The following ABCB5 variants were observed in gnomAD, a reference collection of about 807,000 sequenced individuals.
ABCB5 encodes the protein ATP binding cassette subfamily B member 5, also known as ATP-binding cassette sub-family B member 5.
ABCB5 carries 155 observed loss-of-function variants against 144.2 expected under a neutral mutation model. The observed-to-expected ratio is 1.08, with a 90% CI of 0.94 to 1.23. The LOEUF (loss-of-function observed/expected upper bound fraction) is 1.23, where lower values mean the gene tolerates loss of function less well. Among genes scored for constraint, ABCB5 ranks in the 50% most tolerant of loss-of-function variants. The probability of loss-of-function intolerance (pLI) is 0.00; values close to 1 mark genes in which losing one functional copy is unlikely to be tolerated. For synonymous variants in ABCB5, 610 were observed against 528.6 expected (o/e 1.15, Z -2.11); for missense variants, 1,830 against 1,520.8 (o/e 1.20, Z -3.38).
intron 5 of ABCB5, among the ~76,000 whole-genome samples, chr7:20,635,799 G>A (rs561276265): frequency 6.6e-6 from 1 of 151,930 alleles, no homozygotes; most frequent in South Asian, 2.1e-4. Flanking sequence ...GGAGTATTTT[G>A]GTGGAATTGT....
At chr7:20,621,161 A>G (rs1783797891) in intron 1 of ABCB5, among the ~76,000 whole-genome samples, 1 of 152,146 alleles carries the variant, frequency 6.6e-6, no homozygotes, top group African/African-American at 2.4e-5. Context: ...GTATGATTCC[A>G]TTTATGTGAG....
chr7:20,749,395 A>ATTTTTTTTT (rs34687757), intron 26 of ABCB5, among the ~76,000 whole-genome samples: 3 of 81,940 alleles, frequency 3.7e-5, no homozygotes, highest in Non-Finnish European at 6.8e-5. Context: ...TGCCTGCCTA[A>ATTTTTTTTT]TTTTTTTTTT....
chr7:20,681,054 C>A (rs1201844471), intron 14 of ABCB5, among the ~76,000 whole-genome samples: 1 of 45,356 alleles, frequency 2.2e-5, no homozygotes, highest in African/African-American at 1.3e-4. Flanking sequence ...CTTTCTCTCT[C>A]TCTCTCTTTC....
intron 1 of ABCB5, among the ~76,000 whole-genome samples, chr7:20,619,215 G>T (rs1783756295): frequency 6.6e-6 from 1 of 152,096 alleles, no homozygotes; most frequent in African/African-American, 2.4e-5. Flanking sequence ...CTTTGGAATT[G>T]TTGGGTTGAA....
intron 23 of ABCB5, among the ~76,000 whole-genome samples, chr7:20,734,998 G>C (rs549813693): frequency 6.6e-6 from 1 of 152,066 alleles, no homozygotes; most frequent in Non-Finnish European, 1.5e-5. Context: ...TTGCAATACC[G>C]ACCAAGAACC....
intron 24 of ABCB5, among the ~76,000 whole-genome samples, chr7:20,739,571 T>C (rs1044410883): frequency 6.6e-6 from 1 of 152,138 alleles, no homozygotes; most frequent in Non-Finnish European, 1.5e-5. Flanking sequence ...CTAAAATTTA[T>C]ATTTCATATT....
intron 25 of ABCB5, among the ~76,000 whole-genome samples, chr7:20,743,420 C>G (rs1479781906): frequency 6.6e-6 from 1 of 152,130 alleles, no homozygotes; most frequent in Non-Finnish European, 1.5e-5. Flanking sequence ...ACAGAGAGAA[C>G]ACTGTCCTCC....
intron 27 of ABCB5, among the ~76,000 whole-genome samples, chr7:20,754,871 A>T (rs1783037534): frequency 6.6e-6 from 1 of 152,222 alleles, no homozygotes; most frequent in Admixed American, 6.5e-5. Flanking sequence ...CCACTAACAT[A>T]TAAACAACTA....
chr7:20,658,971 C>T (rs1784905942), intron 14 of ABCB5: 2 of 1,390,804 alleles, frequency 1.4e-6, no homozygotes, highest in Non-Finnish European at 2.0e-6. Flanking sequence ...CCTAGAGTGG[C>T]CCACCACTAT....
rs1204888830 is a variant in ABCB5 at position 20,710,216 on chromosome 7, A to T, written c.2421+5409A>T. ...ATGGTGAGACCGTCTCTCTACTAAA[A>T]ATTAGGTGGGCGTGGTGGGGGGCAT... On this transcript the variant is annotated intron_variant, in intron 20 of 27. Transcript: ENST00000404938. Among the ~76,000 whole-genome samples the T allele has an allele frequency of 5.4e-5, 8 of 147,518 alleles. 2 individuals carry two copies. Among genetic ancestry groups the T allele is most frequent in the African/African-American group, 2.0e-4 (8 of 39,690 alleles).
At chr7:20,736,495 C>A (rs555125780) in intron 23 of ABCB5, among the ~76,000 whole-genome samples, 1 of 152,260 alleles carries the variant, frequency 6.6e-6, no homozygotes, top group African/African-American at 2.4e-5. Flanking sequence ...GAATTACAGG[C>A]ATGAACCACT....
intron 20 of ABCB5, among the ~76,000 whole-genome samples, chr7:20,713,871 T>C (rs762713597): frequency 6.6e-6 from 1 of 151,070 alleles, no homozygotes; most frequent in Non-Finnish European, 1.5e-5. Flanking sequence ...TCTCGATTTA[T>C]CATTCTGTGA....
At chr7:20,700,397 C>G (rs941043183) in intron 19 of ABCB5, among the ~76,000 whole-genome samples, 1 of 152,152 alleles carries the variant, frequency 6.6e-6, no homozygotes, top group African/African-American at 2.4e-5. Flanking sequence ...CTTGACAAAT[C>G]TTTCTTTTAA....
intron 23 of ABCB5, among the ~76,000 whole-genome samples, chr7:20,737,180 G>T (rs868278631): frequency 6.6e-6 from 1 of 151,272 alleles, no homozygotes. Flanking sequence ...AGATGAAGAA[G>T]ATTAGTGTCC....
At chr7:20,743,192 GA>G (rs1465379479) in intron 25 of ABCB5, 118 bp downstream of exon 25, 9 of 1,087,424 alleles carry the variant, frequency 8.3e-6, no homozygotes, top group Admixed American at 2.6e-5. Flanking sequence ...AAGTTAAAAA[GA>G]AAAAAAATCT....
intron 14 of ABCB5, among the ~76,000 whole-genome samples, chr7:20,662,889 C>T (rs73684695): frequency 0.051 from 7,778 of 152,168 alleles, 563 homozygotes; most frequent in African/African-American, 0.16. Flanking sequence ...AAGACTTACA[C>T]GTACTCTTGA....
At chr7:20,662,329 G>T (rs7792001) in intron 14 of ABCB5, among the ~76,000 whole-genome samples, 1 of 152,172 alleles carries the variant, frequency 6.6e-6, no homozygotes, top group Admixed American at 6.5e-5. Flanking sequence ...GGTCTTCCTC[G>T]GAGACCTCTT....
At chr7:20,687,256 G>A (rs1292931713) in intron 16 of ABCB5, among the ~76,000 whole-genome samples, 6 of 152,200 alleles carry the variant, frequency 3.9e-5, no homozygotes, top group South Asian at 2.1e-4. Context: ...AAAATTCACC[G>A]TATTTATGAA....
In ABCB5 at chr7:20,711,794, T is replaced by TCCC. The variant is rs1562573624; in HGVS notation, c.2421+6987_2421+6988insCCC. On this transcript the variant is annotated intron_variant, in intron 20 of 27. Coordinates refer to ENST00000404938, the MANE Select transcript of ABCB5 (RefSeq NM_001163941.2). ...TCCTTCTTTCTCTTTCTTTCTTTCT[T>TCCC]TCTTTCTTTCTTTCTTTCTTTCTTT... 4.7e-5 allele frequency among the ~76,000 whole-genome samples: 4 copies of TCCC among 85,678 alleles called. 1 individual carries two copies. The highest frequency in any genetic ancestry group is 2.2e-5 in the Non-Finnish European group (1 of 45,736). 56.2% of individuals were successfully genotyped at this position (85,678 alleles called of 152,430 possible).
Sources: allele counts gnomAD v4.1 joint callset (sites outside exome capture counted in the v4.1 genomes callset), GRCh38; gene constraint gnomAD v4.1.1; transcripts MANE v1.5; gene names NCBI Gene and HGNC (gene_info 2026-07-23, HGNC 2026-07-21).